SLC24A2: variants seen among roughly 807,000 people sequenced by gnomAD.
The protein encoded by SLC24A2 is solute carrier family 24 member 2, also known as sodium/potassium/calcium exchanger 2.
Under a neutral mutation model 62.0 loss-of-function variants are expected in SLC24A2, and 36 were observed. The observed-to-expected ratio is 0.58, with a 90% CI of 0.44 to 0.77. The LOEUF is 0.77. Ranked by LOEUF, SLC24A2 falls within the 30% of genes least tolerant of loss-of-function variation. The pLI, the probability that SLC24A2 is intolerant of heterozygous loss-of-function variation, is 0.00. For missense variants in SLC24A2, 846 were observed against 817.9 expected (o/e 1.03, Z -0.42); for synonymous variants, 358 against 294.0 (o/e 1.22, Z -2.23).
At chr9:19,616,795 C>T (rs1817779534) in intron 4 of SLC24A2, among the ~76,000 whole-genome samples, 1 of 152,004 alleles carries the variant, frequency 6.6e-6, no homozygotes, top group African/African-American at 2.4e-5. Flanking sequence ...ATTAAAGGTT[C>T]ATTGGCAGAT....
Position 19,511,735 on chromosome 9 carries a change from C to A in SLC24A2, c.*4418G>T, listed in dbSNP as rs1327200639. On this transcript the variant is annotated 3_prime_UTR_variant, in exon 11 of 11. Coordinates refer to ENST00000341998, the MANE Select transcript of SLC24A2 (RefSeq NM_020344.4). Reference sequence around the variant, plus strand: ...TGCTTTCAGGAGACAGTAGTTTTCTCCAGAAATCACCCTGAGAACAGCTTC... The same window carrying A: ...TGCTTTCAGGAGACAGTAGTTTTCTACAGAAATCACCCTGAGAACAGCTTC... 6.6e-6 allele frequency: 1 copy of A among 152,122 alleles called. No individual in the cohort carries two copies. The highest frequency in any genetic ancestry group is 6.6e-5 in the Admixed American group (1 of 15,260). The allele number at this position is 152,122 out of a possible 1,614,324, so 9.4% of individuals were successfully genotyped here. A position where few individuals can be genotyped will look rare whatever the true frequency, so the allele number is the denominator to read the frequency against.
chr9:19,949,767 G>C, the SLC24A2 span, among the ~76,000 whole-genome samples: 2 of 152,198 alleles, frequency 1.3e-5, no homozygotes, highest in Non-Finnish European at 2.9e-5. Flanking sequence ...TACTGACCAT[G>C]TGGATTAGAA....
the SLC24A2 span, among the ~76,000 whole-genome samples, chr9:20,075,131 T>G: frequency 1.3e-5 from 2 of 152,226 alleles, no homozygotes; most frequent in Non-Finnish European, 2.9e-5. Context: ...CTACTTTTAT[T>G]GCTTTTTAAC....
the SLC24A2 span, among the ~76,000 whole-genome samples, chr9:19,994,838 C>T: frequency 2.0e-5 from 3 of 152,228 alleles, no homozygotes; most frequent in Non-Finnish European, 2.9e-5. Context: ...TTTGCACACT[C>T]TGCAGAGACA....
chr9:19,652,518 G>A (rs761585274), intron 2 of SLC24A2, among the ~76,000 whole-genome samples: 10 of 152,042 alleles, frequency 6.6e-5, no homozygotes, highest in Non-Finnish European at 1.3e-4. Flanking sequence ...TTTGAAGATG[G>A]GGGAATGGGA....
At chr9:19,929,002 A>G in the SLC24A2 span, 1 of 152,136 alleles carries the variant, frequency 6.6e-6, no homozygotes, top group Non-Finnish European at 1.5e-5. Context: ...GTGTTCTTGC[A>G]CCTCCAAGAA....
chr9:19,683,180 G>GCACAT (rs1169452851), intron 2 of SLC24A2, among the ~76,000 whole-genome samples: 88 of 152,302 alleles, frequency 5.8e-4, no homozygotes, highest in African/African-American at 2.0e-3. Context: ...CTGTATGCTA[G>GCACAT]ACGCTGTAAG....
intron 6 of SLC24A2, among the ~76,000 whole-genome samples, chr9:19,576,619 C>G (rs988679938): frequency 1.3e-5 from 2 of 152,052 alleles, no homozygotes; most frequent in African/African-American, 4.8e-5. Flanking sequence ...ATGTGGAATC[C>G]CTGAAATACA....
At chr9:20,293,427 G>T in the SLC24A2 span, among the ~76,000 whole-genome samples, 51 of 152,258 alleles carry the variant, frequency 3.3e-4, no homozygotes, top group African/African-American at 1.1e-3. Flanking sequence ...TGGATTTGGT[G>T]TCATTGTAGG....
chr9:19,560,897 G>GTGTGTA (rs1287721646), intron 7 of SLC24A2, among the ~76,000 whole-genome samples: 1 of 128,574 alleles, frequency 7.8e-6, no homozygotes. Flanking sequence ...GTGTGTGTGT[G>GTGTGTA]TATATATATA....
the SLC24A2 span, among the ~76,000 whole-genome samples, chr9:20,230,754 A>C: frequency 6.6e-6 from 1 of 151,990 alleles, no homozygotes; most frequent in African/African-American, 2.4e-5. Flanking sequence ...CCCATTTGTC[A>C]ATTTTGGCTT....
the SLC24A2 span, among the ~76,000 whole-genome samples, chr9:20,275,667 A>G: frequency 1.3e-5 from 2 of 152,352 alleles, no homozygotes; most frequent in East Asian, 3.9e-4. Flanking sequence ...AGTGACTGAC[A>G]TCTTTGAAAT....
chr9:19,666,835 G>C (rs1057421698), intron 2 of SLC24A2, among the ~76,000 whole-genome samples: 1 of 152,088 alleles, frequency 6.6e-6, no homozygotes, highest in Non-Finnish European at 1.5e-5. Context: ...TGCTTCCTAA[G>C]TGGGACTCTG....
chr9:19,707,550 T>C (rs1028252618), intron 2 of SLC24A2, among the ~76,000 whole-genome samples: 1 of 152,162 alleles, frequency 6.6e-6, no homozygotes, highest in East Asian at 1.9e-4. Flanking sequence ...AAAAAGCTTA[T>C]CCACCATGAT....
chr9:19,860,202 G>A, the SLC24A2 span, among the ~76,000 whole-genome samples: 1 of 152,150 alleles, frequency 6.6e-6, no homozygotes, highest in Non-Finnish European at 1.5e-5. Context: ...CTTTGCCTGA[G>A]GAGAGGAGAT....
chr9:20,019,040 G>C, the SLC24A2 span, among the ~76,000 whole-genome samples: 1 of 149,390 alleles, frequency 6.7e-6, no homozygotes, highest in Admixed American at 6.8e-5. Flanking sequence ...TCCTAGCCTG[G>C]AACACAGAGG....
the SLC24A2 span, among the ~76,000 whole-genome samples, chr9:19,800,906 T>C: frequency 6.6e-6 from 1 of 152,230 alleles, no homozygotes; most frequent in East Asian, 1.9e-4. Context: ...ATGAGTCTTC[T>C]CTGCTGATGT....
At chr9:20,040,403 G>A in the SLC24A2 span, among the ~76,000 whole-genome samples, 127 of 152,304 alleles carry the variant, frequency 8.3e-4, 1 homozygote, top group African/African-American at 2.7e-3. Context: ...AGGGTGGGAA[G>A]GAGGGCTGGT....
intron 2 of SLC24A2, among the ~76,000 whole-genome samples, chr9:19,679,838 C>CTGTGTGTGTG (rs58253967): frequency 2.7e-3 from 389 of 142,464 alleles, no homozygotes; most frequent in Middle Eastern, 0.021. Context: ...CTCACATATA[C>CTGTGTGTGTG]TGTGTGTGTG....
Sources: allele counts gnomAD v4.1 joint callset (sites outside exome capture counted in the v4.1 genomes callset), GRCh38; gene constraint gnomAD v4.1.1; transcripts MANE v1.5; gene names NCBI Gene and HGNC (gene_info 2026-07-23, HGNC 2026-07-21).